GRIK2: variants seen among roughly 807,000 people sequenced by gnomAD.
GRIK2 encodes glutamate ionotropic receptor kainate type subunit 2, also known as glutamate receptor ionotropic, kainate 2.
In GRIK2, 32 loss-of-function variants were observed where a neutral mutation model predicts 100.3. The ratio of observed to expected loss-of-function variants is 0.32; its 90% CI spans 0.24 to 0.43. GRIK2 has a LOEUF of 0.43. GRIK2 is among the 20% of genes least tolerant of loss of function. The pLI is 1.00. For synonymous variants in GRIK2, 417 were observed against 389.4 expected (o/e 1.07, Z -0.83); for missense variants, 843 against 1,114.9 (o/e 0.76, Z 3.47).
rs533575658 is a variant in GRIK2, at chr6:101,725,707, T to G, written c.951+39354T>G. Among the ~76,000 whole-genome samples, 23 of 152,126 alleles carry G rather than the reference T, an allele frequency of 1.5e-4. No individual in the cohort carries two copies. In the East Asian group the frequency reaches 3.7e-3, roughly 24 times the overall value. ...AGCTATGCTAAGATTAAGTGTACAA[T>G]TTTAATCTTCAATATCTGTAGGCTT... On this transcript the variant is annotated intron_variant, in intron 7 of 16. Coordinates refer to ENST00000369134, the MANE Select transcript of GRIK2 (RefSeq NM_021956.5).
intron 2 of GRIK2, among the ~76,000 whole-genome samples, chr6:101,505,789 A>G (rs998373010): frequency 6.6e-6 from 1 of 151,800 alleles, no homozygotes; most frequent in Non-Finnish European, 1.5e-5. Context: ...AAAAAAAAAA[A>G]AAACTAGAAA....
At chr6:102,000,548 G>T (rs960243414) in intron 14 of GRIK2, among the ~76,000 whole-genome samples, 1 of 151,948 alleles carries the variant, frequency 6.6e-6, no homozygotes, top group East Asian at 1.9e-4. Flanking sequence ...TTAATGACAA[G>T]TTCTGTTTTT....
chr6:101,475,485 A>G lies in GRIK2; in HGVS notation c.115+76093A>G, dbSNP rs554283259. 2.7e-3 allele frequency among the ~76,000 whole-genome samples: 417 copies of G among 152,164 alleles called. 1 individual carries two copies. Among genetic ancestry groups the G allele is most frequent in the Non-Finnish European group, 4.4e-3 (298 of 67,908 alleles). ...AATTTTCAGCCAGTTTAAAAGTTGGATCAAATTTAAGAAATGTATCAATTA... is the reference window on the plus strand; with the variant it reads ...AATTTTCAGCCAGTTTAAAAGTTGGGTCAAATTTAAGAAATGTATCAATTA... On this transcript the variant is annotated intron_variant, in intron 2 of 16. Coordinates refer to ENST00000369134, the MANE Select transcript of GRIK2 (RefSeq NM_021956.5).
chr6:101,503,064 A>G (rs1178679493), intron 2 of GRIK2, among the ~76,000 whole-genome samples: 1 of 152,164 alleles, frequency 6.6e-6, no homozygotes, highest in Non-Finnish European at 1.5e-5. Flanking sequence ...CAAATAGGGG[A>G]AAACCAGGAG....
In GRIK2 at chr6:102,061,700, AAAC is replaced by A. The variant is rs770914364; in HGVS notation, c.2562+6123_2562+6125del. On this transcript the variant is annotated intron_variant, in intron 16 of 16. Transcript: ENST00000369134. ...TAAATAAATAAATGAAACAATGAAT[AAAC>A]AAGTTATGAATCCATAAAAACGGTG... is the stretch of plus-strand genomic sequence containing the variant. Among the ~76,000 whole-genome samples the A allele has an allele frequency of 2.9e-4, 44 of 150,740 alleles. 1 individual carries two copies. The highest frequency in any genetic ancestry group is 2.9e-3 in the South Asian group (14 of 4,832).
chr6:101,469,200 A>G (rs1771815378), intron 2 of GRIK2, among the ~76,000 whole-genome samples: 2 of 152,306 alleles, frequency 1.3e-5, no homozygotes, highest in Non-Finnish European at 2.9e-5. Flanking sequence ...TAATATTTTT[A>G]GAGTAACTGA....
intron 4 of GRIK2, among the ~76,000 whole-genome samples, chr6:101,648,273 C>A (rs770571899): frequency 3.3e-5 from 5 of 152,022 alleles, no homozygotes; most frequent in African/African-American, 9.7e-5. Flanking sequence ...TATTCATTCA[C>A]ATAACCATTT....
rs528138048 is a variant in GRIK2, at chr6:101,524,388, A to G, written c.116-97561A>G. Among the ~76,000 whole-genome samples the G allele has an allele frequency of 1.6e-3, 96 of 58,718 alleles. No homozygotes were observed. In the South Asian group the frequency reaches 0.023, roughly 14 times the overall value. 38.5% of individuals were successfully genotyped at this position (58,718 alleles called of 152,430 possible). A position where few individuals can be genotyped will look rare whatever the true frequency, so the allele number is the denominator to read the frequency against. On this transcript the variant is annotated intron_variant, in intron 2 of 16. Transcript: ENST00000369134. ...AGAAATATAGTCAATGCCCCATTTT[A>G]TATATATATATATATATCAATCACA...
At chr6:101,847,145 C>CT (rs886277082) in intron 10 of GRIK2, among the ~76,000 whole-genome samples, 6 of 151,934 alleles carry the variant, frequency 3.9e-5, no homozygotes, top group Non-Finnish European at 8.8e-5. Context: ...TGTAAATTCC[C>CT]TTTGAGGGAC....
chr6:101,605,296 T>C (rs1450025399), intron 2 of GRIK2, among the ~76,000 whole-genome samples: 1 of 152,038 alleles, frequency 6.6e-6, no homozygotes, highest in Non-Finnish European at 1.5e-5. Flanking sequence ...ACTGATACTT[T>C]CCTTACCCAG....
chr6:101,943,631 A>T (rs922660805), intron 14 of GRIK2, among the ~76,000 whole-genome samples: 7 of 152,150 alleles, frequency 4.6e-5, no homozygotes, highest in African/African-American at 1.7e-4. Flanking sequence ...GTTATTTTGG[A>T]ACTTTAAGAT....
intron 15 of GRIK2, among the ~76,000 whole-genome samples, chr6:102,047,002 A>T (rs903510889): frequency 2.0e-5 from 3 of 152,182 alleles, no homozygotes; most frequent in African/African-American, 7.2e-5. Context: ...GTTAAAAAAT[A>T]TATTGAAACA....
chr6:101,972,723 T>C (rs1172002162), intron 14 of GRIK2, among the ~76,000 whole-genome samples: 1 of 151,802 alleles, frequency 6.6e-6, no homozygotes, highest in Admixed American at 6.6e-5. Context: ...GATTTTTATA[T>C]ATGGTGAAAG....
intron 7 of GRIK2, among the ~76,000 whole-genome samples, chr6:101,734,465 C>T (rs1258104567): frequency 6.6e-6 from 1 of 152,152 alleles, no homozygotes; most frequent in African/African-American, 2.4e-5. Context: ...GGATAAGGCC[C>T]ACCTATAATA....
intron 2 of GRIK2, among the ~76,000 whole-genome samples, chr6:101,494,759 T>C (rs1049904475): frequency 6.6e-6 from 1 of 150,784 alleles, no homozygotes; most frequent in African/African-American, 2.4e-5. Flanking sequence ...GGTGAAACCC[T>C]GTCGCTACTA....
intron 10 of GRIK2, among the ~76,000 whole-genome samples, chr6:101,853,244 A>G (rs532927770): frequency 6.6e-6 from 1 of 152,326 alleles, no homozygotes; most frequent in South Asian, 2.1e-4. Context: ...CTTCTTAGCT[A>G]TGTGACCTGG....
intron 2 of GRIK2, among the ~76,000 whole-genome samples, chr6:101,494,255 C>T (rs1051936517): frequency 3.3e-5 from 5 of 151,104 alleles, no homozygotes; most frequent in Non-Finnish European, 3.0e-5. Flanking sequence ...CTTCAATAAA[C>T]GTGAACTTTG....
At chr6:101,707,606 GTA>G (rs201561174) in intron 7 of GRIK2, among the ~76,000 whole-genome samples, 1,253 of 122,642 alleles carry the variant, frequency 0.01, 16 homozygotes, top group South Asian at 0.022. Flanking sequence ...ATATATGTGT[GTA>G]TATATATATA....
chr6:101,580,014 G>GT (rs1324778571), intron 2 of GRIK2, among the ~76,000 whole-genome samples: 2 of 151,778 alleles, frequency 1.3e-5, no homozygotes, highest in Non-Finnish European at 2.9e-5. Context: ...ACTACATTTT[G>GT]GAAAGCCCCA....
Sources: gnomAD v4.1 joint callset for allele counts (sites outside exome capture counted in the v4.1 genomes callset) on GRCh38, gnomAD v4.1.1 for gene constraint, MANE v1.5 for transcripts, NCBI Gene and HGNC (gene_info 2026-07-23, HGNC 2026-07-21) for gene names.